Variants in NUDT12 observed in about 807,000 individuals in gnomAD.
NUDT12 encodes the protein NAD-capped RNA hydrolase NUDT12.
NUDT12 carries 42 observed loss-of-function variants against 45.7 expected under a neutral mutation model. The ratio of observed to expected loss-of-function variants is 0.92; its 90% CI spans 0.72 to 1.19. The LOEUF is 1.19. NUDT12 is among the 50% of genes most tolerant of loss of function. The probability of loss-of-function intolerance (pLI) is 0.00; values close to 1 mark genes in which losing one functional copy is unlikely to be tolerated. For missense variants in NUDT12, 590 were observed against 533.1 expected (o/e 1.11, Z -1.05); for synonymous variants, 206 against 179.7 (o/e 1.15, Z -1.17).
In NUDT12 at chr5:103,549,083, G is replaced by T. The variant is rs999394110; in HGVS notation, c.*1778C>A. ...CAAAACAAAATGTATAACTACACTT[G>T]TTGATACTTTATATTCTACTTTCCT... On this transcript the variant is annotated 3_prime_UTR_variant, in exon 7 of 7. Coordinates refer to ENST00000230792, the MANE Select transcript of NUDT12 (RefSeq NM_031438.4). The T allele has an allele frequency of 1.1e-4, 17 of 152,040 alleles. No homozygotes were observed. The highest frequency in any genetic ancestry group is 1.5e-4 in the Non-Finnish European group (10 of 67,964). The allele number at this position is 152,040 out of a possible 1,614,324, so 9.4% of individuals were successfully genotyped here. A position where few individuals can be genotyped will look rare whatever the true frequency, so the allele number is the denominator to read the frequency against.
Position 103,549,322 on chromosome 5 carries a change from G to A in NUDT12, c.*1539C>T, listed in dbSNP as rs1748581664. ...TGGTTTAAATTCTTGATACCAATAA[G>A]CCTTCATCAATTCCTAAGAAAATCA... On this transcript the variant is annotated 3_prime_UTR_variant, in exon 7 of 7. Coordinates refer to ENST00000230792, the MANE Select transcript of NUDT12 (RefSeq NM_031438.4). 6.6e-6 allele frequency: 1 copy of A among 151,788 alleles called. No homozygotes were observed. Among genetic ancestry groups the A allele is most frequent in the Non-Finnish European group, 1.5e-5 (1 of 67,846 alleles). The allele number at this position is 151,788 out of a possible 1,614,324, so 9.4% of individuals were successfully genotyped here.
At chr5:103,558,855 T>G (rs760123292) in intron 3 of NUDT12, 24 bp downstream of exon 3, 3 of 1,488,580 alleles carry the variant, frequency 2.0e-6, no homozygotes, top group Non-Finnish European at 2.7e-6. Flanking sequence ...ATTTTACCAA[T>G]GAAAAGCAGC....
In NUDT12 at chr5:103,556,075, C is replaced by G. The variant is rs1274507931; in HGVS notation, c.820G>C (p.Val274Leu). 3 of 1,609,186 alleles carry G rather than the reference C, an allele frequency of 1.9e-6. No individual in the cohort carries two copies. The Admixed American group carries it at 5.0e-5, about 27-fold the overall frequency. ...TTGTATCGACTGTGCCAGGCAAGAA[C>G]AGATCTTGCTTGAGCTACAACCCCT... ...EAGVVAQARS[V>L]LAWHSRYKFC... The change falls in exon 4 of 7, where the codon GTT (valine) becomes CTT (leucine). Residue 274 changes from valine (V) to leucine (L), a missense_variant. Val to Leu is a conservative substitution (Grantham distance 32). Transcript: ENST00000230792.
intron 3 of NUDT12, among the ~76,000 whole-genome samples, chr5:103,556,808 C>T (rs1439358291): frequency 6.6e-6 from 1 of 151,970 alleles, no homozygotes; most frequent in African/African-American, 2.4e-5. Flanking sequence ...ATGTTAAATG[C>T]TTGACAAAGT....
Position 103,552,429 on chromosome 5 carries a change from A to C in NUDT12, c.1079-13T>G, listed in dbSNP as rs752589463. On this transcript the variant is annotated splice_polypyrimidine_tract_variant and intron_variant, in intron 5 of 6. Coordinates refer to ENST00000230792, the MANE Select transcript of NUDT12 (RefSeq NM_031438.4). ...TCTATTGTCTCTCCTAATGAAATGGAGCAAAAGAACAAGTTGCTGATGAAC... is the reference window on the plus strand; with the variant it reads ...TCTATTGTCTCTCCTAATGAAATGGCGCAAAAGAACAAGTTGCTGATGAAC... 8.7e-6 allele frequency: 14 copies of C among 1,605,948 alleles called. No homozygotes were observed. The highest frequency in any genetic ancestry group is 1.2e-5 in the Non-Finnish European group (14 of 1,173,076).
At chr5:103,552,556 C>T in intron 5 of NUDT12, 140 bp from the exon 6 acceptor site, 1 of 614,960 alleles carries the variant, frequency 1.6e-6, no homozygotes, top group Non-Finnish European at 2.8e-6. Context: ...TAAAACTAGA[C>T]TGTAATTGAA....
chr5:103,554,776 C>T lies in NUDT12; in HGVS notation c.1042G>A (p.Gly348Ser), dbSNP rs755297071. The T allele has an allele frequency of 4.5e-6, 7 of 1,549,992 alleles. No individual in the cohort carries two copies. The highest frequency in any genetic ancestry group is 1.4e-5 in the African/African-American group (1 of 71,850). The change falls in exon 5 of 7, where the codon GGC (glycine) becomes AGC (serine). Residue 348 changes from glycine (G) to serine (S), a missense_variant. By Grantham distance (56) the Gly-to-Ser change is moderately conservative. Coordinates refer to ENST00000230792, the MANE Select transcript of NUDT12 (RefSeq NM_031438.4). The stretch of plus-strand genomic sequence containing the variant: ...AATCCAGCAAGGCAAGTAAACATGC[C>T]TGGGGGAAATCTTTTCTGCCTGCCT... ...LLGRQKRFPP[G>S]MFTCLAGFIE...
chr5:103,554,627 A>C (rs1748755943), intron 5 of NUDT12, 113 bp downstream of exon 5: 3 of 403,274 alleles, frequency 7.4e-6, no homozygotes, highest in African/African-American at 6.2e-5. Context: ...AAATACCTTA[A>C]AATAACCGAG....
intron 2 of NUDT12, 143 bp downstream of exon 2, chr5:103,559,900 G>A: frequency 3.4e-6 from 2 of 586,014 alleles, no homozygotes. Flanking sequence ...GAAAAATTGT[G>A]CTACATTTTT....
At position 103,559,447 on chromosome 5, in the gene NUDT12, A is replaced by G. The variant is rs567155364; in HGVS notation, c.228T>C (p.Asn76=). 140 of 1,534,244 alleles carry G rather than the reference A, an allele frequency of 9.1e-5. 2 individuals are homozygous for G. In the South Asian group the frequency reaches 1.8e-3, roughly 19 times the overall value. Residue 76 remains asparagine, a synonymous_variant, in exon 3 of 7, where the codon AAT becomes AAC. Transcript: ENST00000230792. ...LEKGCDRSIV[N]KSRQTALDIA... ...TGTCCAGTGCAGTCTGCCTTGATTTATTGACAATTGATCTGTCACACCTAT... is the reference window on the plus strand; with the variant it reads ...TGTCCAGTGCAGTCTGCCTTGATTTGTTGACAATTGATCTGTCACACCTAT...
Position 103,549,385 on chromosome 5 carries a change from T to C in NUDT12, c.*1476A>G, listed in dbSNP as rs1748583396. On this transcript the variant is annotated 3_prime_UTR_variant, in exon 7 of 7. Coordinates refer to ENST00000230792, the MANE Select transcript of NUDT12 (RefSeq NM_031438.4). ...AAAATAAAGTTTTATCTGACAGTTA[T>C]CTTTTATTTAAGTTAAATAAATGTT... 1 of 151,994 alleles carries C rather than the reference T, an allele frequency of 6.6e-6. No individual in the cohort carries two copies. 9.4% of individuals were successfully genotyped at this position (151,994 alleles called of 1,614,324 possible).
chr5:103,559,254 C>G lies in NUDT12; in HGVS notation c.421G>C (p.Ala141Pro). The G allele has an allele frequency of 6.3e-7, 1 of 1,589,408 alleles. No homozygotes were observed. The highest frequency in any genetic ancestry group is 8.5e-7 in the Non-Finnish European group (1 of 1,169,606). Reference protein sequence around the residue: ...EKRNNSDWLLAKESHPATVFI... With the variant: ...EKRNNSDWLLPKESHPATVFI... ...ACTGTGGCTGGATGGCTTTCTTTAG[C>G]TAGCAGCCAGTCAGAATTATTTCTC... Residue 141 changes from alanine (A) to proline (P), a missense_variant, in exon 3 of 7, where the codon GCT (alanine) becomes CCT (proline). By Grantham distance (27) the Ala-to-Pro change is conservative (BLOSUM62 -1). Transcript: ENST00000230792.
intron 1 of NUDT12, among the ~76,000 whole-genome samples, chr5:103,560,807 T>C (rs1258622559): frequency 6.6e-6 from 1 of 152,220 alleles, no homozygotes; most frequent in African/African-American, 2.4e-5. Flanking sequence ...GAAATTACCA[T>C]CTTTGTCCTA....
intron 5 of NUDT12, among the ~76,000 whole-genome samples, chr5:103,554,171 C>A (rs1042429864): frequency 2.0e-5 from 3 of 152,008 alleles, no homozygotes; most frequent in South Asian, 4.1e-4. Flanking sequence ...TGACTTTCTA[C>A]TACATGTGCT....
intron 5 of NUDT12, 35 bp from the exon 6 acceptor site, chr5:103,552,451 G>T: frequency 6.6e-7 from 1 of 1,525,156 alleles, no homozygotes; most frequent in South Asian, 1.1e-5. Context: ...AGTTGCTGAT[G>T]AACATGCCCG....
chr5:103,559,161 G>A lies in NUDT12; in HGVS notation c.514C>T (p.Pro172Ser), dbSNP rs1286489183. 5 of 1,560,502 alleles carry A rather than the reference G, an allele frequency of 3.2e-6. No individual in the cohort carries two copies. The South Asian group carries it at 5.0e-5, about 16-fold the overall frequency. ...LGGNKESFQQ[P>S]EVRLCQLNYT... The stretch of plus-strand genomic sequence containing the variant: ...TTCAGCTGACAAAGCCTAACTTCTG[G>A]CTGTTGGAAACTTTCTTTATTGCCA... Residue 172 changes from proline (P) to serine (S), a missense_variant, in exon 3 of 7, where the codon CCA becomes TCA. Transcript: ENST00000230792.
chr5:103,558,959 T>C lies in NUDT12; in HGVS notation c.716A>G (p.Glu239Gly), dbSNP rs2112455444. The change falls in exon 3 of 7, where the codon GAA becomes GGA. Residue 239 changes from glutamate (E) to glycine (G), a missense_variant. By Grantham distance (98) the Glu-to-Gly change is moderately conservative (BLOSUM62 -2). Coordinates refer to ENST00000230792, the MANE Select transcript of NUDT12 (RefSeq NM_031438.4). ...ALGIDPIAAE[E>G]FKQRHENCYF... ...ACAATTTTCATGTCTTTGCTTGAAT[T>C]CTTCAGCAGCAATAGGATCTATACC... 6.2e-7 allele frequency: 1 copy of C among 1,612,424 alleles called. No individual in the cohort carries two copies.
intron 4 of NUDT12, among the ~76,000 whole-genome samples, chr5:103,555,414 A>G (rs1431105019): frequency 6.6e-6 from 1 of 152,082 alleles, no homozygotes; most frequent in East Asian, 1.9e-4. Flanking sequence ...ACAAAAATAG[A>G]TGTCACTAAG....
rs1748626003 is a variant in NUDT12, at chr5:103,550,726, T to C, written c.*135A>G. The stretch of plus-strand genomic sequence containing the variant: ...AATTTGTGATTAAGACAGAACACTT[T>C]GAAAATATTTCGAAAACCCAACATC... On this transcript the variant is annotated 3_prime_UTR_variant, in exon 7 of 7. Coordinates refer to ENST00000230792, the MANE Select transcript of NUDT12 (RefSeq NM_031438.4). 1 of 584,494 alleles carries C rather than the reference T, an allele frequency of 1.7e-6. No individual in the cohort carries two copies. The highest frequency in any genetic ancestry group is 2.8e-5 in the East Asian group (1 of 35,512). 36.2% of individuals were successfully genotyped at this position (584,494 alleles called of 1,614,324 possible).
Sources: gnomAD v4.1 joint callset for allele counts (sites outside exome capture counted in the v4.1 genomes callset) on GRCh38, gnomAD v4.1.1 for gene constraint, MANE v1.5 for transcripts, NCBI Gene and HGNC (gene_info 2026-07-23, HGNC 2026-07-21) for gene names.